Variants in FYCO1 observed in about 807,000 individuals in gnomAD.
FYCO1 encodes FYVE and coiled-coil domain-containing protein 1.
Under a neutral mutation model 165.1 loss-of-function variants are expected in FYCO1, and 122 were observed. The observed-to-expected ratio is 0.74, with a 90% CI of 0.64 to 0.86. The LOEUF (loss-of-function observed/expected upper bound fraction) is 0.86, where lower values mean the gene tolerates loss of function less well. Ranked by LOEUF, FYCO1 falls within the 40% of genes least tolerant of loss-of-function variation. The pLI is 0.00. For missense variants in FYCO1, 1,702 were observed against 1,810.3 expected, an observed-to-expected ratio of 0.94 and a Z score of 1.09; for synonymous variants, 648 against 742.5, an observed-to-expected ratio of 0.87 and a Z score of 2.07.
chr3:45,921,823 A>G lies in FYCO1; in HGVS notation c.4379T>C (p.Val1460Ala). 6.2e-7 allele frequency: 1 copy of G among 1,611,686 alleles called. No individual in the cohort carries two copies. Among genetic ancestry groups the G allele is most frequent in the Non-Finnish European group, 8.5e-7 (1 of 1,177,788 alleles). The stretch of plus-strand genomic sequence containing the variant: ...CCGATCAACCGTCAAGTGATAAAAT[A>G]CCTTTTTAGAGACAAACCTGAGGAA... ...NTFSRFVSKKVFYHLTVDRPV... is the reference protein window; with the variant it reads ...NTFSRFVSKKAFYHLTVDRPV... The change falls in exon 18 of 18, where the codon GTA becomes GCA. Residue 1460 changes from valine to alanine, a missense_variant. Coordinates refer to ENST00000296137, the MANE Select transcript of FYCO1 (RefSeq NM_024513.4).
At chr3:45,989,131 T>C (rs1707451919) in intron 1 of FYCO1, among the ~76,000 whole-genome samples, 1 of 151,992 alleles carries the variant, frequency 6.6e-6, no homozygotes, top group Admixed American at 6.6e-5. Context: ...ACCTTCAAAA[T>C]TTTGCTCCCA....
intron 11 of FYCO1, among the ~76,000 whole-genome samples, chr3:45,960,380 C>G (rs1011244111): frequency 6.6e-6 from 1 of 152,216 alleles, no homozygotes; most frequent in Non-Finnish European, 1.5e-5. Context: ...TCCCAATCAA[C>G]CCCAGATCTT....
intron 14 of FYCO1, chr3:45,946,850 C>T: frequency 6.2e-7 from 1 of 1,614,232 alleles, no homozygotes; most frequent in Non-Finnish European, 8.5e-7. Context: ...TCACCTGCAT[C>T]ACTGTGGATC....
In FYCO1 at chr3:45,969,690, C is replaced by G; in HGVS notation, c.615G>C (p.Val205=). 6.2e-7 allele frequency: 1 copy of G among 1,613,908 alleles called. No homozygotes were observed. The highest frequency in any genetic ancestry group is 1.1e-5 in the South Asian group (1 of 91,050). Residue 205 remains valine, a synonymous_variant, in exon 7 of 18, where the codon GTG becomes GTC. Coordinates refer to ENST00000296137, the MANE Select transcript of FYCO1 (RefSeq NM_024513.4). ...CTGGCCTTACCTGCAGGTAGCTGCTCACCAAGCTGCTCATGCTGGAGCTGC... is the reference window on the plus strand; with the variant it reads ...CTGGCCTTACCTGCAGGTAGCTGCTGACCAAGCTGCTCATGCTGGAGCTGC... ...PSRSSSMSSL[V]SSYLQTQEMV... is the part of the protein sequence containing the mutation.
In FYCO1 at chr3:45,964,568, G is replaced by T. The variant is rs1705886055; in HGVS notation, c.3151-114C>A. 1.3e-6 allele frequency: 2 copies of T among 1,549,258 alleles called. No homozygotes were observed. The highest frequency in any genetic ancestry group is 1.7e-6 in the Non-Finnish European group (2 of 1,149,612). The stretch of plus-strand genomic sequence containing the variant: ...TGGCTGGGTCACTTCTAAATGGAGG[G>T]TTGTTTCCTATTAAGTTCAAGAGGC... On this transcript the variant is annotated intron_variant, in intron 9 of 17. Coordinates refer to ENST00000296137, the MANE Select transcript of FYCO1 (RefSeq NM_024513.4). This position sits in a 1 kb window ranked among gnomAD's most constrained non-coding sequence, Gnocchi z 4.1.
chr3:45,946,611 T>C, intron 14 of FYCO1: 4 of 1,614,210 alleles, frequency 2.5e-6, no homozygotes, highest in Non-Finnish European at 3.4e-6. Context: ...GGTGTTTGTC[T>C]GTGGTCTGGT....
Position 45,937,564 on chromosome 3 carries a change from G to C in FYCO1, c.3945-1021C>G, listed in dbSNP as rs575706114. On this transcript the variant is annotated intron_variant, in intron 14 of 17. Transcript: ENST00000296137. The stretch of plus-strand genomic sequence containing the variant: ...TGTAACCAGATGGACTCTGGGTTCT[G>C]ATGGCTTGAAAAGGCTGTAAGTTTT... Among the ~76,000 whole-genome samples the C allele has an allele frequency of 7.9e-5, 12 of 152,352 alleles. 1 individual carries two copies. In the South Asian group the frequency reaches 2.5e-3, roughly 32 times the overall value.
chr3:45,947,039 A>G, intron 14 of FYCO1: 1 of 1,614,156 alleles, frequency 6.2e-7, no homozygotes, highest in Non-Finnish European at 8.5e-7. Flanking sequence ...ATGACGAGGC[A>G]ATTTCCACTG....
intron 3 of FYCO1, among the ~76,000 whole-genome samples, chr3:45,980,353 G>A (rs200652801): frequency 3.9e-4 from 55 of 141,932 alleles, no homozygotes; most frequent in East Asian, 4.0e-4. Context: ...CTGTCTCAAA[G>A]AAAAAAAAAA....
chr3:45,931,991 C>A (rs1179479165), intron 15 of FYCO1, among the ~76,000 whole-genome samples: 1 of 152,202 alleles, frequency 6.6e-6, no homozygotes, highest in East Asian at 1.9e-4. Context: ...GGGTTCTGTG[C>A]TGGACCCAGA....
intron 1 of FYCO1, among the ~76,000 whole-genome samples, chr3:45,987,380 AAGG>A (rs2125877466): frequency 1.3e-5 from 2 of 152,264 alleles, no homozygotes; most frequent in South Asian, 4.1e-4. Context: ...TCTCACAAAA[AAGG>A]AGCATTGGGA....
intron 1 of FYCO1, among the ~76,000 whole-genome samples, chr3:45,994,227 A>G (rs1053294677): frequency 6.6e-6 from 1 of 152,260 alleles, no homozygotes; most frequent in Non-Finnish European, 1.5e-5. Flanking sequence ...GCAAAAAAAA[A>G]AAAAAATCAA....
In FYCO1 at chr3:45,966,549, C is replaced by T; in HGVS notation, c.2785G>A (p.Ala929Thr). 1 of 1,614,202 alleles carries T rather than the reference C, an allele frequency of 6.2e-7. No individual in the cohort carries two copies. The highest frequency in any genetic ancestry group is 8.5e-7 in the Non-Finnish European group (1 of 1,180,036). The change falls in exon 8 of 18, where the codon GCT (alanine) becomes ACT (threonine). Residue 929 changes from alanine to threonine, a missense_variant. Transcript: ENST00000296137. ...KERVEEALAC[A>T]VQELQDAKEA... ...TTGGCGTCCTGGAGCTCCTGGACAG[C>T]ACAGGCCAGTGCCTCCTCCACTCGC...
At chr3:45,994,316 A>T (rs1313963525) in intron 1 of FYCO1, among the ~76,000 whole-genome samples, 2 of 152,230 alleles carry the variant, frequency 1.3e-5, no homozygotes, top group Admixed American at 6.5e-5. Flanking sequence ...TTTTTCTAAT[A>T]AAATATTAAA....
intron 10 of FYCO1, among the ~76,000 whole-genome samples, chr3:45,963,501 G>A (rs1705818146): frequency 1.3e-5 from 2 of 152,206 alleles, no homozygotes; most frequent in Admixed American, 1.3e-4. Flanking sequence ...ATCTCCTACT[G>A]AGCCAGAGCC....
In FYCO1 at chr3:45,984,997, G is replaced by T; in HGVS notation, c.-87C>A. 1.6e-6 allele frequency: 2 copies of T among 1,283,364 alleles called. No homozygotes were observed. The highest frequency in any genetic ancestry group is 2.3e-6 in the Non-Finnish European group (2 of 878,298). The allele number at this position is 1,283,364 out of a possible 1,614,324, so 79.5% of individuals were successfully genotyped here. ...TCGGCCCTCGGTGGCTGTCTGCTCA[G>T]CAGTGGTCAGACTCCATGGTGGCAC... On this transcript the variant is annotated 5_prime_UTR_variant, in exon 2 of 18. It adds an upstream start codon to the 5' untranslated region. Coordinates refer to ENST00000296137, the MANE Select transcript of FYCO1 (RefSeq NM_024513.4).
At chr3:45,985,156 C>A in intron 1 of FYCO1, 134 bp from the exon 2 acceptor site, 1 of 605,986 alleles carries the variant, frequency 1.7e-6, no homozygotes, top group South Asian at 1.9e-5. Context: ...CTTGACCTTT[C>A]TGTGTGGGCC....
intron 2 of FYCO1, chr3:45,984,581 C>T: frequency 1.7e-6 from 1 of 576,514 alleles, no homozygotes; most frequent in Non-Finnish European, 3.1e-6. Context: ...CACATGTGTG[C>T]ACTAATGGAA....
rs753564319 is a variant in FYCO1 at position 45,965,076 on chromosome 3, C to T, written c.3107G>A (p.Gly1036Asp). 3.8e-5 allele frequency: 62 copies of T among 1,614,160 alleles called. No individual in the cohort carries two copies. In the South Asian group the frequency reaches 6.4e-4, roughly 17 times the overall value. Residue 1036 changes from glycine to aspartate, a missense_variant, in exon 9 of 18, where the codon GGC becomes GAC. Gly to Asp is a moderately conservative substitution (Grantham distance 94). Transcript: ENST00000296137. ...KSLRGQLEEQGRQLQAAEEAV... is the reference protein window; with the variant it reads ...KSLRGQLEEQDRQLQAAEEAV... ...TTCCTCAGCAGCCTGCAGCTGCCGG[C>T]CTTGCTCCTCAAGCTGGCCCCTGAG... is the stretch of plus-strand genomic sequence containing the variant.
Sources: allele counts gnomAD v4.1 joint callset (sites outside exome capture counted in the v4.1 genomes callset), GRCh38; gene constraint gnomAD v4.1.1; non-coding constraint Gnocchi (gnomAD v3.1); transcripts MANE v1.5; gene names NCBI Gene and HGNC (gene_info 2026-07-23, HGNC 2026-07-21).